Variants in STAG1 observed in about 807,000 individuals in gnomAD.
STAG1 encodes the protein STAG1 cohesin complex component.
Under a neutral mutation model 170.9 loss-of-function variants are expected in STAG1, and 26 were observed. The observed-to-expected ratio is 0.15, with a 90% CI of 0.11 to 0.21. STAG1 has a LOEUF of 0.21. Ranked by LOEUF, STAG1 falls within the 10% of genes least tolerant of loss-of-function variation. The probability of loss-of-function intolerance (pLI) is 1.00; values close to 1 mark genes in which losing one functional copy is unlikely to be tolerated. For synonymous variants in STAG1, 514 were observed against 497.7 expected (o/e 1.03, Z -0.44); for missense variants, 964 against 1,509.5 (o/e 0.64, Z 5.99).
intron 21 of STAG1, among the ~76,000 whole-genome samples, chr3:136,413,463 A>AT (rs1341542586): frequency 4.5e-4 from 68 of 151,428 alleles, no homozygotes; most frequent in Non-Finnish European, 3.2e-4. Flanking sequence ...TATTATTATT[A>AT]TTATTTTTTT....
chr3:136,356,391 A>T (rs1576384327), intron 28 of STAG1, among the ~76,000 whole-genome samples: 1 of 152,054 alleles, frequency 6.6e-6, no homozygotes, highest in Admixed American at 6.5e-5. Flanking sequence ...TAAAAAATCG[A>T]CTGATTGACA....
chr3:136,580,171 G>A (rs1937560811), intron 4 of STAG1, among the ~76,000 whole-genome samples: 1 of 151,922 alleles, frequency 6.6e-6, no homozygotes. Context: ...GTTTCATCAT[G>A]TTGGCCAGGA....
At chr3:136,565,006 G>GC (rs1288240948) in intron 5 of STAG1, among the ~76,000 whole-genome samples, 102 of 97,190 alleles carry the variant, frequency 1.0e-3, no homozygotes, top group Non-Finnish European at 1.5e-3. Context: ...AGGAAGGAAG[G>GC]AAGGAAGGCA....
At chr3:136,381,447 A>T (rs1426060584) in intron 22 of STAG1, among the ~76,000 whole-genome samples, 1 of 152,212 alleles carries the variant, frequency 6.6e-6, no homozygotes, top group Non-Finnish European at 1.5e-5. Flanking sequence ...AATGCCACAG[A>T]GAGATTAGAG....
intron 1 of STAG1, among the ~76,000 whole-genome samples, chr3:136,725,279 G>GGTGTGT (rs10675753): frequency 0.018 from 2,703 of 150,882 alleles, 80 homozygotes; most frequent in African/African-American, 0.059. Context: ...AAATTATACG[G>GGTGTGT]GTGTGTGTGT....
chr3:136,677,704 C>A (rs961331387), intron 1 of STAG1, among the ~76,000 whole-genome samples: 2 of 151,882 alleles, frequency 1.3e-5, no homozygotes, highest in Non-Finnish European at 2.9e-5. Context: ...TCGCCAGACA[C>A]TGAATTTACT....
intron 13 of STAG1, among the ~76,000 whole-genome samples, chr3:136,463,955 A>G (rs528240540): frequency 6.7e-6 from 1 of 149,746 alleles, no homozygotes; most frequent in Non-Finnish European, 1.5e-5. Context: ...TTAATCTACT[A>G]ATCAATTATA....
intron 22 of STAG1, among the ~76,000 whole-genome samples, chr3:136,386,620 TTAAA>T (rs1576415661): frequency 1.3e-5 from 2 of 152,106 alleles, no homozygotes; most frequent in East Asian, 3.8e-4. Context: ...TATATAGATT[TTAAA>T]TGTGTGATTC....
At position 136,733,163 on chromosome 3, in the gene STAG1, C is replaced by A. The variant is rs139595171; in HGVS notation, c.-84+19032G>T. On this transcript the variant is annotated intron_variant, in intron 1 of 33. Coordinates refer to ENST00000383202, the MANE Select transcript of STAG1 (RefSeq NM_005862.3). The stretch of plus-strand genomic sequence containing the variant: ...GCAGCGGCATCATCTTAGGTCACTG[C>A]AACCTCTGCCTCCTGGGCTGAAGCA... 4.1e-3 allele frequency among the ~76,000 whole-genome samples: 620 copies of A among 150,340 alleles called. 3 individuals carry two copies. Among genetic ancestry groups the A allele is most frequent in the Non-Finnish European group, 6.5e-3 (441 of 67,770 alleles).
chr3:136,652,485 A>G (rs568805347), intron 1 of STAG1, among the ~76,000 whole-genome samples: 80 of 152,332 alleles, frequency 5.3e-4, no homozygotes, highest in African/African-American at 1.8e-3. Flanking sequence ...CTCATTCCAT[A>G]AAGTTCAGAA....
intron 7 of STAG1, among the ~76,000 whole-genome samples, chr3:136,507,058 C>T (rs1033028271): frequency 1.3e-5 from 2 of 152,138 alleles, no homozygotes; most frequent in South Asian, 2.1e-4. Flanking sequence ...CACAAATCTA[C>T]GAAGGAAGTA....
chr3:136,413,581 C>T (rs996702289), intron 21 of STAG1, among the ~76,000 whole-genome samples: 15 of 152,002 alleles, frequency 9.9e-5, no homozygotes, highest in Non-Finnish European at 8.8e-5. Flanking sequence ...GACTCAGCCT[C>T]CCGAGTAGTT....
At chr3:136,585,931 C>A (rs1461291821) in intron 4 of STAG1, among the ~76,000 whole-genome samples, 1 of 152,160 alleles carries the variant, frequency 6.6e-6, no homozygotes, top group South Asian at 2.1e-4. Context: ...TGAGAAACTG[C>A]ACAGGCATAT....
At chr3:136,667,845 T>C (rs1320267166) in intron 1 of STAG1, among the ~76,000 whole-genome samples, 1 of 152,094 alleles carries the variant, frequency 6.6e-6, no homozygotes, top group Non-Finnish European at 1.5e-5. Context: ...TGTCTTTAAA[T>C]ACTTATTTTT....
At chr3:136,504,049 A>G (rs1310598022) in intron 7 of STAG1, among the ~76,000 whole-genome samples, 1 of 152,054 alleles carries the variant, frequency 6.6e-6, no homozygotes, top group Non-Finnish European at 1.5e-5. Flanking sequence ...TTTTTTCTTA[A>G]TTACATATGT....
At chr3:136,606,038 C>T (rs966500261) in intron 3 of STAG1, among the ~76,000 whole-genome samples, 1 of 151,588 alleles carries the variant, frequency 6.6e-6, no homozygotes, top group Non-Finnish European at 1.5e-5. Flanking sequence ...TTTTTTAGAA[C>T]TTTCAGATTT....
At chr3:136,737,763 A>C (rs1934423288) in intron 1 of STAG1, among the ~76,000 whole-genome samples, 1 of 152,168 alleles carries the variant, frequency 6.6e-6, no homozygotes, top group African/African-American at 2.4e-5. Flanking sequence ...ATAGACAATA[A>C]ATGAGCACTT....
chr3:136,446,234 C>A (rs9868120), intron 14 of STAG1, among the ~76,000 whole-genome samples: 56,493 of 151,898 alleles, frequency 0.37, 11,666 homozygotes, highest in African/African-American at 0.55. Context: ...GTTTAGCGCT[C>A]AGGTTTTTGT....
chr3:136,581,044 A>C (rs1937581419), intron 4 of STAG1, among the ~76,000 whole-genome samples: 1 of 151,860 alleles, frequency 6.6e-6, no homozygotes, highest in Admixed American at 6.6e-5. Flanking sequence ...TGTAGAGATG[A>C]GGTCTCATTA....
Sources: allele counts gnomAD v4.1 joint callset (sites outside exome capture counted in the v4.1 genomes callset), GRCh38; gene constraint gnomAD v4.1.1; transcripts MANE v1.5; gene names NCBI Gene and HGNC (gene_info 2026-07-23, HGNC 2026-07-21).